NDST3: variants seen among roughly 807,000 people sequenced by gnomAD.
The protein encoded by NDST3 is N-deacetylase and N-sulfotransferase 3, also known as bifunctional heparan sulfate N-deacetylase/N-sulfotransferase 3.
A neutral mutation model predicts 96.1 loss-of-function variants in NDST3; 58 were observed. The observed-to-expected ratio is 0.60, with a 90% CI of 0.49 to 0.75. The LOEUF is 0.75. Ranked by LOEUF, NDST3 falls within the 30% of genes least tolerant of loss-of-function variation. The pLI is 0.00. For missense variants in NDST3, 788 were observed against 1,034.2 expected, an observed-to-expected ratio of 0.76 and a Z score of 3.27; for synonymous variants, 333 against 359.7, an observed-to-expected ratio of 0.93 and a Z score of 0.84.
chr4:118,060,362 C>G (rs1194495102), intron 2 of NDST3, among the ~76,000 whole-genome samples: 4 of 152,066 alleles, frequency 2.6e-5, no homozygotes, highest in Admixed American at 1.3e-4. Context: ...AATGCTAATA[C>G]AGCTATACCA....
chr4:118,185,395 G>T (rs1224565951), intron 6 of NDST3, among the ~76,000 whole-genome samples: 3 of 151,218 alleles, frequency 2.0e-5, no homozygotes, highest in African/African-American at 7.3e-5. Context: ...GATGATAAAT[G>T]CTTGTAAATT....
intron 6 of NDST3, among the ~76,000 whole-genome samples, chr4:118,159,157 G>A (rs769397711): frequency 1.3e-5 from 2 of 152,182 alleles, no homozygotes; most frequent in Non-Finnish European, 2.9e-5. Context: ...GGGCAGAAGG[G>A]TGGGTGGATG....
chr4:118,133,921 C>G (rs9307452), intron 4 of NDST3, among the ~76,000 whole-genome samples: 127,259 of 151,852 alleles, frequency 0.84, 54,833 homozygotes, highest in South Asian at 0.95. Flanking sequence ...ATTTCATGAA[C>G]CTTATTGTTT....
intron 12 of NDST3, among the ~76,000 whole-genome samples, chr4:118,250,104 A>G (rs1399692924): frequency 1.3e-5 from 2 of 152,096 alleles, no homozygotes; most frequent in Non-Finnish European, 2.9e-5. Context: ...TTATCCTTTC[A>G]CCAGTTGATG....
chr4:118,234,964 A>T (rs1740538102), intron 9 of NDST3, among the ~76,000 whole-genome samples: 1 of 151,626 alleles, frequency 6.6e-6, no homozygotes. Flanking sequence ...TGGGAGGCAG[A>T]GGTTGCAATG....
At chr4:118,145,950 G>A (rs1433116855) in intron 6 of NDST3, among the ~76,000 whole-genome samples, 1 of 152,176 alleles carries the variant, frequency 6.6e-6, no homozygotes, top group Non-Finnish European at 1.5e-5. Flanking sequence ...CCCACATCTG[G>A]ATTCAGCCCA....
intron 2 of NDST3, among the ~76,000 whole-genome samples, chr4:118,091,017 G>A (rs1728820684): frequency 6.6e-6 from 1 of 151,308 alleles, no homozygotes; most frequent in South Asian, 2.1e-4. Flanking sequence ...AGATGAGATC[G>A]TGCCACTGCC....
At chr4:118,076,120 G>A (rs1012108067) in intron 2 of NDST3, among the ~76,000 whole-genome samples, 1 of 152,090 alleles carries the variant, frequency 6.6e-6, no homozygotes, top group South Asian at 2.1e-4. Context: ...TACTGAAATG[G>A]GCCCCCAATC....
At chr4:118,154,432 A>G (rs1010961817) in intron 6 of NDST3, among the ~76,000 whole-genome samples, 5 of 152,222 alleles carry the variant, frequency 3.3e-5, no homozygotes, top group African/African-American at 1.2e-4. Flanking sequence ...ACGCATGAAG[A>G]GTTATATTTC....
chr4:118,176,343 T>G (rs1317607814), intron 6 of NDST3, among the ~76,000 whole-genome samples: 1 of 152,148 alleles, frequency 6.6e-6, no homozygotes, highest in Non-Finnish European at 1.5e-5. Context: ...CTTTTAACTG[T>G]TTCTTCTTAA....
At chr4:118,194,392 C>A (rs541030230) in intron 6 of NDST3, 392 of 732,712 alleles carry the variant, frequency 5.3e-4, no homozygotes, top group Non-Finnish European at 9.4e-4. Flanking sequence ...TTGGGGAGAT[C>A]TTTGGAGGAC....
chr4:118,250,666 T>A (rs1248098339), intron 12 of NDST3, among the ~76,000 whole-genome samples: 1 of 152,132 alleles, frequency 6.6e-6, no homozygotes, highest in African/African-American at 2.4e-5. Flanking sequence ...GTATCTTTAG[T>A]AGAGACAGGG....
chr4:118,042,870 C>G (rs1264403031), intron 1 of NDST3, among the ~76,000 whole-genome samples: 1 of 152,198 alleles, frequency 6.6e-6, no homozygotes, highest in Non-Finnish European at 1.5e-5. Context: ...TAATCTCTCT[C>G]TCTTTCTCTC....
intron 6 of NDST3, among the ~76,000 whole-genome samples, chr4:118,190,588 C>T (rs1737243196): frequency 6.6e-6 from 1 of 152,172 alleles, no homozygotes; most frequent in Admixed American, 6.5e-5. Flanking sequence ...CCTGAATTTG[C>T]ATACCAGGTA....
At chr4:118,133,783 T>C (rs1273337392) in intron 4 of NDST3, among the ~76,000 whole-genome samples, 5 of 152,144 alleles carry the variant, frequency 3.3e-5, no homozygotes, top group Admixed American at 2.0e-4. Flanking sequence ...ATGAAGATAA[T>C]TGAGAAAGTG....
chr4:118,166,202 A>T (rs1162683253), intron 6 of NDST3, among the ~76,000 whole-genome samples: 1 of 151,890 alleles, frequency 6.6e-6, no homozygotes, highest in East Asian at 1.9e-4. Flanking sequence ...AATAAATAAA[A>T]TTGGAAATGA....
In NDST3 at chr4:118,155,705, A is replaced by G. The variant is rs939298701; in HGVS notation, c.1539+12021A>G. Among the ~76,000 whole-genome samples the G allele has an allele frequency of 3.9e-5, 6 of 152,164 alleles. No individual in the cohort carries two copies. The East Asian group carries it at 9.6e-4, about 24-fold the overall frequency. ...AACCAATGGTAAAATTGGTTTTGTT[A>G]TATGTCATTTGGTTTACAGTTTCAG... On this transcript the variant is annotated intron_variant, in intron 6 of 13. Coordinates refer to ENST00000296499, the MANE Select transcript of NDST3 (RefSeq NM_004784.3).
chr4:118,232,542 A>G (rs899103705), intron 8 of NDST3, among the ~76,000 whole-genome samples: 1 of 152,012 alleles, frequency 6.6e-6, no homozygotes, highest in African/African-American at 2.4e-5. Context: ...TGGGAGGCTC[A>G]GACAGGAGGA....
chr4:118,248,519 T>C (rs965732999), intron 12 of NDST3, among the ~76,000 whole-genome samples: 1 of 152,198 alleles, frequency 6.6e-6, no homozygotes, highest in Non-Finnish European at 1.5e-5. Context: ...ATCAACAAAA[T>C]GTTATTGAAT....
Sources: allele counts gnomAD v4.1 joint callset (sites outside exome capture counted in the v4.1 genomes callset), GRCh38; gene constraint gnomAD v4.1.1; transcripts MANE v1.5; gene names NCBI Gene and HGNC (gene_info 2026-07-23, HGNC 2026-07-21).